The following NUGGC variants were observed in gnomAD, a reference collection of about 807,000 sequenced individuals.
NUGGC encodes the protein nuclear GTPase SLIP-GC.
A neutral mutation model predicts 92.6 loss-of-function variants in NUGGC; 58 were observed. The ratio of observed to expected loss-of-function variants is 0.63; its 90% CI spans 0.51 to 0.78. The LOEUF is 0.78. Among genes scored for constraint, NUGGC ranks in the 30% least tolerant of loss-of-function variants. The pLI is 0.00. For missense variants in NUGGC, 925 were observed against 964.6 expected (o/e 0.96, Z 0.54); for synonymous variants, 376 against 366.4 (o/e 1.03, Z -0.30).
chr8:28,057,330 C>CTTTTTTTTTTT (rs57167648), intron 9 of NUGGC, among the ~76,000 whole-genome samples: 146 of 123,968 alleles, frequency 1.2e-3, no homozygotes, highest in African/African-American at 1.4e-3. Flanking sequence ...ATTTTCTTTC[C>CTTTTTTTTTTT]TTTTTTTTTT....
At chr8:28,048,211 T>A (rs755085774) in intron 10 of NUGGC, among the ~76,000 whole-genome samples, 5 of 152,220 alleles carry the variant, frequency 3.3e-5, no homozygotes, top group Non-Finnish European at 5.9e-5. Context: ...TTTCCCTGTT[T>A]AAGATTTCTG....
At chr8:28,038,293 C>A (rs1363997767) in intron 13 of NUGGC, among the ~76,000 whole-genome samples, 3 of 152,136 alleles carry the variant, frequency 2.0e-5, no homozygotes, top group African/African-American at 7.2e-5. Context: ...ATTATAGTTC[C>A]CCAAATGCTC....
intron 1 of NUGGC, among the ~76,000 whole-genome samples, chr8:28,077,626 T>C (rs1264750773): frequency 1.3e-5 from 2 of 152,142 alleles, no homozygotes; most frequent in African/African-American, 4.8e-5. Flanking sequence ...TCTGTTGTTT[T>C]CTGAAGAGAG....
chr8:28,050,191 G>T (rs1244815188), intron 10 of NUGGC, among the ~76,000 whole-genome samples: 1 of 151,890 alleles, frequency 6.6e-6, no homozygotes, highest in East Asian at 1.9e-4. Flanking sequence ...TTTGAGACCA[G>T]CCTGATCAAC....
chr8:28,044,478 G>A (rs1171457467), intron 12 of NUGGC, among the ~76,000 whole-genome samples: 3 of 152,210 alleles, frequency 2.0e-5, no homozygotes, highest in African/African-American at 7.2e-5. Flanking sequence ...ATTGGAGGCT[G>A]TTGGCCTGGG....
Position 28,033,653 on chromosome 8 carries a change from A to G in NUGGC, c.1656T>C (p.Val552=). 6.2e-7 allele frequency: 1 copy of G among 1,613,958 alleles called. No homozygotes were observed. Residue 552 remains valine, a synonymous_variant, in exon 14 of 19, where the codon GTT becomes GTC. Coordinates refer to ENST00000413272, the MANE Select transcript of NUGGC (RefSeq NM_001010906.2). ...NQGFHQTLKA[V]CLKNGIYASR... is the part of the protein sequence containing the mutation. Reference sequence around the variant, plus strand: ...AGGCATAGATGCCATTTTTCAGGCAAACAGCTTTCAGGGTCTGATGAAAAC... The same window carrying G: ...AGGCATAGATGCCATTTTTCAGGCAGACAGCTTTCAGGGTCTGATGAAAAC...
At chr8:28,081,408 C>T (rs1485078208) in intron 1 of NUGGC, among the ~76,000 whole-genome samples, 2 of 152,158 alleles carry the variant, frequency 1.3e-5, no homozygotes, top group African/African-American at 4.8e-5. Flanking sequence ...TGCATCTGTA[C>T]AAATGTTATT....
intron 13 of NUGGC, among the ~76,000 whole-genome samples, chr8:28,034,051 A>G (rs894887665): frequency 6.6e-6 from 1 of 152,236 alleles, no homozygotes; most frequent in East Asian, 1.9e-4. Flanking sequence ...ATCTGGGAAT[A>G]ACTTAAGTAG....
At chr8:28,062,188 C>T (rs777831443) in intron 7 of NUGGC, among the ~76,000 whole-genome samples, 2 of 152,106 alleles carry the variant, frequency 1.3e-5, no homozygotes, top group Non-Finnish European at 2.9e-5. Context: ...GAAGCCCAAG[C>T]GGTAAAGAGA....
At chr8:28,074,886 C>T (rs1400029601) in intron 1 of NUGGC, among the ~76,000 whole-genome samples, 1 of 152,114 alleles carries the variant, frequency 6.6e-6, no homozygotes, top group South Asian at 2.1e-4. Flanking sequence ...TTGTAGTGAG[C>T]CGAGATGGAA....
chr8:28,024,780 T>A (rs1809214711), intron 18 of NUGGC, among the ~76,000 whole-genome samples: 3 of 152,182 alleles, frequency 2.0e-5, no homozygotes, highest in Admixed American at 6.5e-5. Flanking sequence ...CCACTGCCTC[T>A]GAAATCAACC....
At chr8:28,046,023 A>G (rs140672634) in intron 11 of NUGGC, among the ~76,000 whole-genome samples, 205 of 152,184 alleles carry the variant, frequency 1.3e-3, no homozygotes, top group African/African-American at 4.8e-3. Flanking sequence ...GTCCCCCTAG[A>G]CTTTTCTACC....
intron 12 of NUGGC, among the ~76,000 whole-genome samples, chr8:28,041,985 T>G (rs1415609003): frequency 6.6e-6 from 1 of 152,140 alleles, no homozygotes; most frequent in African/African-American, 2.4e-5. Context: ...GGGAGATAAT[T>G]GAATCATGGG....
rs138315159 is a variant in NUGGC at position 28,060,619 on chromosome 8, G to A, written c.922-18C>T. On this transcript the variant is annotated intron_variant, in intron 7 of 18. Transcript: ENST00000413272. Reference sequence around the variant, plus strand: ...TCAATGGTCTGCAAAACATGACCACGGCATGTGTCAGCACAGGAATGGAGT... The same window carrying A: ...TCAATGGTCTGCAAAACATGACCACAGCATGTGTCAGCACAGGAATGGAGT... The A allele has an allele frequency of 5.2e-5, 84 of 1,603,818 alleles. No homozygotes were observed. Among genetic ancestry groups the A allele is most frequent in the African/African-American group, 5.0e-4 (37 of 74,728 alleles).
chr8:28,051,852 G>T (rs1263499080), intron 10 of NUGGC, among the ~76,000 whole-genome samples: 1 of 152,162 alleles, frequency 6.6e-6, no homozygotes, highest in Non-Finnish European at 1.5e-5. Flanking sequence ...AACCCAGGAG[G>T]CGGAGGTTGC....
Position 28,029,413 on chromosome 8 carries a change from T to C in NUGGC, c.2018-11A>G. ...TGATCTGAGCTGCCTCTGGCAAAAA[T>C]GATAGCCACAGTCACACCAAGACAA... On this transcript the variant is annotated splice_polypyrimidine_tract_variant and intron_variant, in intron 16 of 18. Coordinates refer to ENST00000413272, the MANE Select transcript of NUGGC (RefSeq NM_001010906.2). The C allele has an allele frequency of 1.9e-6, 3 of 1,611,430 alleles. No individual in the cohort carries two copies. The highest frequency in any genetic ancestry group is 2.2e-5 in the South Asian group (2 of 90,422).
intron 17 of NUGGC, 34 bp downstream of exon 17, chr8:28,029,232 G>T (rs375483912): frequency 1.1e-5 from 17 of 1,587,710 alleles, no homozygotes; most frequent in Non-Finnish European, 1.5e-5. Flanking sequence ...GGAGCCTCTC[G>T]GGGTCTAGGA....
intron 10 of NUGGC, among the ~76,000 whole-genome samples, chr8:28,055,626 A>G (rs1359871066): frequency 6.6e-6 from 1 of 152,236 alleles, no homozygotes; most frequent in African/African-American, 2.4e-5. Flanking sequence ...TGAGCCCAGG[A>G]GTTTGAGAAC....
intron 17 of NUGGC, among the ~76,000 whole-genome samples, chr8:28,028,287 G>A (rs917626639): frequency 2.0e-5 from 3 of 152,182 alleles, no homozygotes; most frequent in African/African-American, 7.2e-5. Flanking sequence ...ATTTTTAGAC[G>A]GTGATAACAT....
Sources: allele counts gnomAD v4.1 joint callset (sites outside exome capture counted in the v4.1 genomes callset), GRCh38; gene constraint gnomAD v4.1.1; transcripts MANE v1.5; gene names NCBI Gene and HGNC (gene_info 2026-07-23, HGNC 2026-07-21).